CCSER1: variants seen among roughly 807,000 people sequenced by gnomAD.
CCSER1 encodes serine-rich coiled-coil domain-containing protein 1.
A neutral mutation model predicts 82.0 loss-of-function variants in CCSER1; 41 were observed. That is an observed-to-expected ratio of 0.50 (90% CI 0.39 to 0.65). The LOEUF (loss-of-function observed/expected upper bound fraction) is 0.65. Ranked by LOEUF, CCSER1 falls within the 30% of genes least tolerant of loss-of-function variation. The pLI, the probability that CCSER1 is intolerant of heterozygous loss-of-function variation, is 0.00. For synonymous variants in CCSER1, 414 were observed against 383.9 expected, an observed-to-expected ratio of 1.08 and a Z score of -0.92; for missense variants, 1,119 against 1,064.2, an observed-to-expected ratio of 1.05 and a Z score of -0.72.
chr4:90,739,016 C>G (rs1013221766), intron 7 of CCSER1, among the ~76,000 whole-genome samples: 1 of 152,142 alleles, frequency 6.6e-6, no homozygotes, highest in African/African-American at 2.4e-5. Flanking sequence ...TTTCCTTCCT[C>G]TCTTCTTCTA....
At chr4:90,589,881 A>G (rs1195489084) in intron 5 of CCSER1, among the ~76,000 whole-genome samples, 7 of 152,186 alleles carry the variant, frequency 4.6e-5, no homozygotes, top group Non-Finnish European at 1.0e-4. Context: ...GTTAGTTACT[A>G]TTTTCCTTAT....
intron 10 of CCSER1, among the ~76,000 whole-genome samples, chr4:91,252,017 A>C (rs1740295586): frequency 6.6e-6 from 1 of 152,210 alleles, no homozygotes; most frequent in Non-Finnish European, 1.5e-5. Flanking sequence ...AGAAGAACTC[A>C]AAGACACATA....
chr4:90,396,152 T>C (rs1751926374), intron 3 of CCSER1, among the ~76,000 whole-genome samples: 1 of 152,154 alleles, frequency 6.6e-6, no homozygotes, highest in African/African-American at 2.4e-5. Flanking sequence ...TGTAGGGCTA[T>C]CTAGTGATTT....
chr4:91,152,309 T>G (rs1730300751), intron 10 of CCSER1, among the ~76,000 whole-genome samples: 8 of 152,210 alleles, frequency 5.3e-5, no homozygotes. Flanking sequence ...CTGCTCCCCT[T>G]TGTTTTCCAT....
At chr4:90,892,870 G>T (rs959446175) in intron 8 of CCSER1, among the ~76,000 whole-genome samples, 5 of 151,902 alleles carry the variant, frequency 3.3e-5, no homozygotes, top group Admixed American at 2.0e-4. Context: ...ATTACTTCTA[G>T]TACTATGAAT....
intron 1 of CCSER1, among the ~76,000 whole-genome samples, chr4:90,252,453 T>C (rs1180774853): frequency 2.6e-5 from 4 of 151,914 alleles, no homozygotes; most frequent in Admixed American, 1.3e-4. Flanking sequence ...ACGTGTTTTT[T>C]ACTATTTATA....
chr4:90,931,445 A>T (rs1334842442), intron 9 of CCSER1, among the ~76,000 whole-genome samples: 2 of 152,086 alleles, frequency 1.3e-5, no homozygotes, highest in Non-Finnish European at 2.9e-5. Flanking sequence ...TATAAAGATG[A>T]TTTCTTTTTA....
intron 8 of CCSER1, among the ~76,000 whole-genome samples, chr4:90,908,227 TA>T (rs1725790304): frequency 1.3e-5 from 2 of 152,144 alleles, no homozygotes; most frequent in Admixed American, 1.3e-4. Flanking sequence ...GAATCTACTT[TA>T]AAAAGAATAT....
intron 7 of CCSER1, among the ~76,000 whole-genome samples, chr4:90,734,342 G>A (rs552716583): frequency 8.7e-4 from 133 of 152,126 alleles, no homozygotes; most frequent in Middle Eastern, 3.4e-3. Context: ...AGCCAGGATG[G>A]TCTCGATCTC....
chr4:91,186,953 T>C (rs1243586447), intron 10 of CCSER1, among the ~76,000 whole-genome samples: 1 of 152,220 alleles, frequency 6.6e-6, no homozygotes, highest in Non-Finnish European at 1.5e-5. Context: ...CATGTTACAG[T>C]GCTGCAGAGA....
At chr4:90,834,483 A>G (rs1761532767) in intron 8 of CCSER1, among the ~76,000 whole-genome samples, 1 of 152,208 alleles carries the variant, frequency 6.6e-6, no homozygotes, top group South Asian at 2.1e-4. Context: ...AGAGAAAAAA[A>G]TAATAATTCT....
At chr4:91,577,347 G>A (rs1446671199) in intron 10 of CCSER1, among the ~76,000 whole-genome samples, 1 of 151,822 alleles carries the variant, frequency 6.6e-6, no homozygotes, top group Non-Finnish European at 1.5e-5. Context: ...GAAGATCAGT[G>A]TTTCCAGAGA....
chr4:90,211,320 A>G (rs1030260810), intron 1 of CCSER1, among the ~76,000 whole-genome samples: 1 of 152,152 alleles, frequency 6.6e-6, no homozygotes, highest in Non-Finnish European at 1.5e-5. Flanking sequence ...CTCTACCTTC[A>G]TTGTCTCTTG....
At chr4:90,650,078 A>T (rs1357064230) in intron 6 of CCSER1, among the ~76,000 whole-genome samples, 1 of 152,024 alleles carries the variant, frequency 6.6e-6, no homozygotes, top group Non-Finnish European at 1.5e-5. Flanking sequence ...TTAGCCGGGC[A>T]TGGTGGCAGG....
intron 9 of CCSER1, among the ~76,000 whole-genome samples, chr4:90,933,775 T>C (rs1334063817): frequency 6.6e-6 from 1 of 152,072 alleles, no homozygotes. Flanking sequence ...CAAGTACATA[T>C]ACATGTCTTC....
chr4:91,025,505 C>A (rs1226594969), intron 9 of CCSER1, among the ~76,000 whole-genome samples: 1 of 152,070 alleles, frequency 6.6e-6, no homozygotes, highest in African/African-American at 2.4e-5. Flanking sequence ...TTCAGAAATG[C>A]CTGTGAAGGT....
At chr4:91,482,965 G>A (rs1415226374) in intron 10 of CCSER1, among the ~76,000 whole-genome samples, 3 of 152,010 alleles carry the variant, frequency 2.0e-5, no homozygotes, top group African/African-American at 7.3e-5. Flanking sequence ...GAGCGGGGAG[G>A]GATAGCATTA....
intron 10 of CCSER1, among the ~76,000 whole-genome samples, chr4:91,380,025 A>C (rs1750752828): frequency 6.6e-6 from 1 of 152,176 alleles, no homozygotes; most frequent in African/African-American, 2.4e-5. Flanking sequence ...ATTTAGGAGC[A>C]GGTTGTTCAG....
At chr4:91,226,274 CAT>C (rs1183952025) in intron 10 of CCSER1, among the ~76,000 whole-genome samples, 5 of 151,818 alleles carry the variant, frequency 3.3e-5, no homozygotes, top group African/African-American at 1.2e-4. Context: ...TTTGATAAAA[CAT>C]ATGGAAAGGT....
Sources: allele counts gnomAD v4.1 joint callset (sites outside exome capture counted in the v4.1 genomes callset), GRCh38; gene constraint gnomAD v4.1.1; transcripts MANE v1.5; gene names NCBI Gene and HGNC (gene_info 2026-07-23, HGNC 2026-07-21).